The following B3GALT1 variants were observed in gnomAD, a reference collection of about 807,000 sequenced individuals.
B3GALT1 encodes the protein UDP-Gal:betaGlcNAc beta 1,3-galactosyltransferase, polypeptide 1.
Under a neutral mutation model 23.2 loss-of-function variants are expected in B3GALT1, and 10 were observed. The ratio of observed to expected loss-of-function variants is 0.43; its 90% CI spans 0.27 to 0.73. The LOEUF (loss-of-function observed/expected upper bound fraction) is 0.73, where lower values mean the gene tolerates loss of function less well. Ranked by LOEUF, B3GALT1 falls within the 30% of genes least tolerant of loss-of-function variation. The probability of loss-of-function intolerance (pLI) is 0.21; values close to 1 mark genes in which losing one functional copy is unlikely to be tolerated. For missense variants in B3GALT1, 299 were observed against 405.4 expected (o/e 0.74, Z 2.25); for synonymous variants, 156 against 141.5 (o/e 1.10, Z -0.73).
At chr2:167,649,998 C>T (rs556117603) in intron 3 of B3GALT1, among the ~76,000 whole-genome samples, 2 of 151,538 alleles carry the variant, frequency 1.3e-5, no homozygotes, top group African/African-American at 2.4e-5. Context: ...TTTTCGTGAC[C>T]TTAGGGGGAA....
chr2:167,612,511 T>G lies in B3GALT1; in HGVS notation c.-409-34398T>G, dbSNP rs534896585. 7.2e-5 allele frequency among the ~76,000 whole-genome samples: 11 copies of G among 151,952 alleles called. No individual in the cohort carries two copies. In the South Asian group the frequency reaches 1.2e-3, roughly 17 times the overall value. ...GGTAATCCTGTATGTTGTAATTCCC[T>G]TTAAAACATTGAGTAAACTGAGCTG... On this transcript the variant is annotated intron_variant, in intron 2 of 4. Coordinates refer to ENST00000392690, the MANE Select transcript of B3GALT1 (RefSeq NM_020981.4).
chr2:167,650,909 G>A (rs1472973516), intron 3 of B3GALT1, among the ~76,000 whole-genome samples: 4 of 151,894 alleles, frequency 2.6e-5, no homozygotes, highest in Non-Finnish European at 4.4e-5. Flanking sequence ...TTTCTTCACC[G>A]AAACAAACCA....
rs886410397 is a variant in B3GALT1, at chr2:167,446,002, T to C, written c.-510-44175T>C. ...GGCATGTTTTTGCAGTGGCTGGTAC[T>C]GGTTGTTCCTTTCCATGTTTAGTGC... is the stretch of plus-strand genomic sequence containing the variant. On this transcript the variant is annotated intron_variant, in intron 1 of 4. Transcript: ENST00000392690. 3.3e-5 allele frequency among the ~76,000 whole-genome samples: 5 copies of C among 152,228 alleles called. No homozygotes were observed. The East Asian group carries it at 9.6e-4, about 29-fold the overall frequency.
chr2:167,643,641 A>C (rs1685693206), intron 2 of B3GALT1, among the ~76,000 whole-genome samples: 1 of 152,146 alleles, frequency 6.6e-6, no homozygotes, highest in African/African-American at 2.4e-5. Flanking sequence ...CATAGTCATC[A>C]TGCTAAATGG....
chr2:167,861,921 T>A (rs1037024904), intron 4 of B3GALT1, among the ~76,000 whole-genome samples: 1 of 152,088 alleles, frequency 6.6e-6, no homozygotes, highest in African/African-American at 2.4e-5. Flanking sequence ...TGAAGTAGAT[T>A]TAGAAATGCA....
intron 1 of B3GALT1, among the ~76,000 whole-genome samples, chr2:167,393,739 G>C (rs1423723037): frequency 1.3e-5 from 2 of 151,968 alleles, no homozygotes; most frequent in African/African-American, 4.8e-5. Context: ...TCAACTGCAG[G>C]CTTTTATATG....
At chr2:167,496,430 T>C (rs1411496837) in intron 2 of B3GALT1, among the ~76,000 whole-genome samples, 1 of 152,162 alleles carries the variant, frequency 6.6e-6, no homozygotes. Context: ...TAGAAAGAAA[T>C]GTAATTAGCA....
At chr2:167,858,349 A>G (rs1033367892) in intron 4 of B3GALT1, among the ~76,000 whole-genome samples, 13 of 151,838 alleles carry the variant, frequency 8.6e-5, no homozygotes, top group African/African-American at 3.1e-4. Context: ...CGAAGTAAAA[A>G]AAAAAAAAAA....
intron 3 of B3GALT1, chr2:167,716,068 C>T (rs1687140247): frequency 6.4e-7 from 1 of 1,573,706 alleles, no homozygotes. Flanking sequence ...TCCTCCATAG[C>T]GCCAAGCTGC....
At chr2:167,640,555 T>TTC (rs556158230) in intron 2 of B3GALT1, among the ~76,000 whole-genome samples, 85 of 151,398 alleles carry the variant, frequency 5.6e-4, no homozygotes, top group East Asian at 1.6e-3. Context: ...GATTTTTTTT[T>TTC]CCCCCTCAGA....
intron 2 of B3GALT1, among the ~76,000 whole-genome samples, chr2:167,528,939 C>T (rs924657997): frequency 3.1e-4 from 47 of 152,122 alleles, no homozygotes; most frequent in Admixed American, 9.8e-4. Flanking sequence ...AGTAAAACTC[C>T]TCTAGAGCTC....
At chr2:167,564,000 G>C (rs1426369825) in intron 2 of B3GALT1, among the ~76,000 whole-genome samples, 1 of 147,616 alleles carries the variant, frequency 6.8e-6, no homozygotes, top group African/African-American at 2.5e-5. Flanking sequence ...CGGACGGGGG[G>C]CCGACCCTCC....
chr2:167,631,294 T>C (rs1685437878), intron 2 of B3GALT1, among the ~76,000 whole-genome samples: 1 of 151,866 alleles, frequency 6.6e-6, no homozygotes, highest in African/African-American at 2.4e-5. Flanking sequence ...AAACAAGGGT[T>C]GATCAGGACA....
chr2:167,475,789 G>A (rs1699477023), intron 1 of B3GALT1, among the ~76,000 whole-genome samples: 1 of 152,208 alleles, frequency 6.6e-6, no homozygotes, highest in Non-Finnish European at 1.5e-5. Flanking sequence ...GGGTCTGAAA[G>A]TTTGCGATCT....
intron 4 of B3GALT1, among the ~76,000 whole-genome samples, chr2:167,837,239 G>A (rs1008304322): frequency 3.7e-4 from 57 of 152,230 alleles, no homozygotes; most frequent in African/African-American, 1.3e-3. Flanking sequence ...TGGAAAATTG[G>A]ATAAAGAGTC....
At chr2:167,779,430 A>G (rs1176948210) in intron 3 of B3GALT1, among the ~76,000 whole-genome samples, 1 of 152,238 alleles carries the variant, frequency 6.6e-6, no homozygotes, top group African/African-American at 2.4e-5. Context: ...GTTACCTGCT[A>G]TGACAGGTGC....
At chr2:167,838,494 G>A (rs538801899) in intron 4 of B3GALT1, among the ~76,000 whole-genome samples, 1 of 152,392 alleles carries the variant, frequency 6.6e-6, no homozygotes, top group Admixed American at 6.5e-5. Context: ...TTGAATCTCT[G>A]AATAGACTAA....
rs1434211487 is a variant in B3GALT1 at position 167,613,301 on chromosome 2, T to A, written c.-409-33608T>A. The stretch of plus-strand genomic sequence containing the variant: ...GAAATGCCTAGTAATAGATAAATGA[T>A]CAAGTAAAATATGGTACATTCATAT... On this transcript the variant is annotated intron_variant, in intron 2 of 4. Coordinates refer to ENST00000392690, the MANE Select transcript of B3GALT1 (RefSeq NM_020981.4). Among the ~76,000 whole-genome samples, 13 of 152,000 alleles carry A rather than the reference T, an allele frequency of 8.6e-5. 1 individual carries two copies. In the East Asian group the frequency reaches 2.5e-3, roughly 29 times the overall value.
intron 1 of B3GALT1, among the ~76,000 whole-genome samples, chr2:167,368,460 G>C (rs1440493652): frequency 1.3e-5 from 2 of 152,138 alleles, no homozygotes; most frequent in Non-Finnish European, 2.9e-5. Context: ...CTTGTCCCTA[G>C]TCCCTGGGTC....
Sources: allele counts gnomAD v4.1 joint callset (sites outside exome capture counted in the v4.1 genomes callset), GRCh38; gene constraint gnomAD v4.1.1; transcripts MANE v1.5; gene names NCBI Gene and HGNC (gene_info 2026-07-23, HGNC 2026-07-21).